Variants in UBR4 observed in about 807,000 individuals in gnomAD.
The protein encoded by UBR4 is E3 ubiquitin-protein ligase UBR4.
Under a neutral mutation model 575.6 loss-of-function variants are expected in UBR4, and 124 were observed. The observed-to-expected ratio is 0.22, with a 90% CI of 0.19 to 0.25. UBR4 has a LOEUF of 0.25. Ranked by LOEUF, UBR4 falls within the 10% of genes least tolerant of loss-of-function variation. The pLI, the probability that UBR4 is intolerant of heterozygous loss-of-function variation, is 1.00. For missense variants in UBR4, 4,818 were observed against 6,478.8 expected, an observed-to-expected ratio of 0.74 and a Z score of 8.80; for synonymous variants, 2,455 against 2,473.7, an observed-to-expected ratio of 0.99 and a Z score of 0.22.
chr1:19,118,749 C>A, intron 71 of UBR4, 123 bp downstream of exon 71: 4 of 921,240 alleles, frequency 4.3e-6, no homozygotes, highest in Non-Finnish European at 5.1e-6. Context: ...GGAATCTCAA[C>A]TAGGCAGATT....
Position 19,199,173 on chromosome 1 carries a change from C to T in UBR4, c.379-245G>A, listed in dbSNP as rs75398908. 7.8e-3 allele frequency among the ~76,000 whole-genome samples: 1,184 copies of T among 152,288 alleles called. 25 individuals are homozygous for T. The highest frequency in any genetic ancestry group is 0.027 in the African/African-American group (1,141 of 41,544). On this transcript the variant is annotated intron_variant, in intron 3 of 105. Coordinates refer to ENST00000375254, the MANE Select transcript of UBR4 (RefSeq NM_020765.3). Reference sequence around the variant, plus strand: ...TTCACATGCAAATCTGAAATTCTCACGCTCAAATAATTCACAGTATAGCAA... The same window carrying T: ...TTCACATGCAAATCTGAAATTCTCATGCTCAAATAATTCACAGTATAGCAA...
chr1:19,181,224 T>TGGAA (rs1018934334), intron 17 of UBR4, among the ~76,000 whole-genome samples: 9 of 151,160 alleles, frequency 6.0e-5, no homozygotes, highest in African/African-American at 1.2e-4. Flanking sequence ...GACGGACGGA[T>TGGAA]GGAAGGAAGG....
intron 20 of UBR4, among the ~76,000 whole-genome samples, chr1:19,175,383 T>C (rs2090128772): frequency 6.6e-6 from 1 of 150,606 alleles, no homozygotes; most frequent in Non-Finnish European, 1.5e-5. Context: ...ATCAACAAAT[T>C]ATATCATTAG....
At chr1:19,113,571 T>A (rs2080151881) in intron 77 of UBR4, 128 bp downstream of exon 77, 2 of 1,431,306 alleles carry the variant, frequency 1.4e-6, no homozygotes, top group East Asian at 4.6e-5. Context: ...GCCTGCCTTT[T>A]CAGCTAGATT....
chr1:19,177,339 T>A, intron 19 of UBR4, 122 bp downstream of exon 19: 1 of 1,247,836 alleles, frequency 8.0e-7, no homozygotes, highest in South Asian at 1.4e-5. Flanking sequence ...ATCCTACCCA[T>A]CAACCTACCA....
chr1:19,156,141 TG>T, intron 42 of UBR4, 129 bp downstream of exon 42: 1 of 1,260,198 alleles, frequency 7.9e-7, no homozygotes, highest in Non-Finnish European at 1.1e-6. Flanking sequence ...TCCAAGTAGC[TG>T]GTACTACAGG....
At position 19,081,557 on chromosome 1, in the gene UBR4, G is replaced by C; in HGVS notation, c.15025C>G (p.Arg5009Gly). Residue 5009 changes from arginine to glycine, a missense_variant, in exon 103 of 106, where the codon CGA becomes GGA. Coordinates refer to ENST00000375254, the MANE Select transcript of UBR4 (RefSeq NM_020765.3). The part of the protein sequence containing the change: ...YVLNTTRATS[R>G]EEKNLQGFLE... ...AAGCCTTGGAGGTTCTTCTCTTCTCGGGAAGTTGCTCGGGTTCTAGAAGAA... is the reference window on the plus strand; with the variant it reads ...AAGCCTTGGAGGTTCTTCTCTTCTCCGGAAGTTGCTCGGGTTCTAGAAGAA... The C allele has an allele frequency of 6.2e-7, 1 of 1,613,984 alleles. No homozygotes were observed. Among genetic ancestry groups the C allele is most frequent in the Non-Finnish European group, 8.5e-7 (1 of 1,180,010 alleles).
rs1003430962 is a variant in UBR4 at position 19,124,574 on chromosome 1, G to T, written c.9555C>A (p.Val3185=). Residue 3185 remains valine (V), a synonymous_variant, in exon 65 of 106, where the codon GTC becomes GTA. Coordinates refer to ENST00000375254, the MANE Select transcript of UBR4 (RefSeq NM_020765.3). The stretch of plus-strand genomic sequence containing the variant: ...GAAAGTAAAACCACGAGTGGTCAAA[G>T]ACAGGAGGTGGGATTCGAGAATTGG... ...TDTNSRIPPP[V]FDHSWFYFLS... is the part of the protein sequence containing the mutation. 3.1e-6 allele frequency: 5 copies of T among 1,614,112 alleles called. No homozygotes were observed. In the Admixed American group the frequency reaches 5.0e-5, roughly 16 times the overall value.
At position 19,173,200 on chromosome 1, in the gene UBR4, TCTA is replaced by T. The variant is rs1557899814; in HGVS notation, c.3269_3271del (p.Val1090del). 6.2e-7 allele frequency: 1 copy of T among 1,614,244 alleles called. No homozygotes were observed. Among genetic ancestry groups the T allele is most frequent in the Admixed American group, 1.7e-5 (1 of 60,032 alleles). On this transcript the variant is annotated inframe_deletion, in exon 24 of 106. Transcript: ENST00000375254. ...ACATACCTGTCGAGCGAAGTATTCC[TCTA>T]CTATTTCAACATCATATTTCACTGA...
chr1:19,168,556 C>T (rs144419551), intron 27 of UBR4, among the ~76,000 whole-genome samples: 69 of 152,022 alleles, frequency 4.5e-4, no homozygotes, highest in African/African-American at 1.4e-3. Flanking sequence ...ACAGAGGTCA[C>T]GATCATAAAG....
Position 19,159,942 on chromosome 1 carries a change from C to A in UBR4, c.5577+169G>T, listed in dbSNP as rs530057110. Among the ~76,000 whole-genome samples, 20 of 152,188 alleles carry A rather than the reference C, an allele frequency of 1.3e-4. No individual in the cohort carries two copies. In the South Asian group the frequency reaches 3.5e-3, roughly 27 times the overall value. On this transcript the variant is annotated intron_variant, in intron 39 of 105. Coordinates refer to ENST00000375254, the MANE Select transcript of UBR4 (RefSeq NM_020765.3). ...CAAACCTCGTATGCTGATTTTCACA[C>A]TGTTCATAATATGTTCTGGGCATGT...
At chr1:19,148,528 A>G (rs1174235547) in intron 50 of UBR4, 35 bp downstream of exon 50, 2 of 1,613,888 alleles carry the variant, frequency 1.2e-6, no homozygotes, top group South Asian at 1.1e-5. Flanking sequence ...CTGCCTCTTC[A>G]GAAAGCTTCC....
chr1:19,136,957 C>A (rs1042130331), intron 60 of UBR4, among the ~76,000 whole-genome samples: 1 of 151,798 alleles, frequency 6.6e-6, no homozygotes, highest in Non-Finnish European at 1.5e-5. Context: ...GTCTCTGATG[C>A]CTGACTGCAT....
chr1:19,101,682 C>T, intron 87 of UBR4, 41 bp from the exon 88 acceptor site: 5 of 1,571,896 alleles, frequency 3.2e-6, no homozygotes, highest in Non-Finnish European at 4.4e-6. Flanking sequence ...AAGAGCCTCT[C>T]CCATGGAAGG....
At chr1:19,144,187 A>AAGTGGAATACCTCT in intron 54 of UBR4, 96 bp from the exon 55 acceptor site, 2 of 1,101,844 alleles carry the variant, frequency 1.8e-6, no homozygotes, top group Non-Finnish European at 2.7e-6. Flanking sequence ...ACTCACATGC[A>AAGTGGAATACCTCT]AGTGGAATAC....
rs2091294461 is a variant in UBR4 at position 19,184,142 on chromosome 1, T to A, written c.1972A>T (p.Ile658Phe). The A allele has an allele frequency of 1.2e-6, 2 of 1,614,110 alleles. No homozygotes were observed. Among genetic ancestry groups the A allele is most frequent in the Non-Finnish European group, 1.7e-6 (2 of 1,180,006 alleles). Reference sequence around the variant, plus strand: ...CGAGAGTTCAGCATGGAAGAGGTGATGAAGTTCAAAATGTTGGAAGCCAGA... The same window carrying A: ...CGAGAGTTCAGCATGGAAGAGGTGAAGAAGTTCAAAATGTTGGAAGCCAGA... ...LGLASNILNFITSSMLNSRNN... is the reference protein window; with the variant it reads ...LGLASNILNFFTSSMLNSRNN... The change falls in exon 16 of 106, where the codon ATC becomes TTC. Residue 658 changes from isoleucine (I) to phenylalanine (F), a missense_variant. By Grantham distance (21) the Ile-to-Phe change is conservative (BLOSUM62 0). This residue lies in a region of UBR4 where 1,172 missense variants were observed against 1,259.7 expected (regional missense o/e 0.93). Transcript: ENST00000375254.
At chr1:19,090,457 G>A (rs565792186) in intron 97 of UBR4, among the ~76,000 whole-genome samples, 67 of 152,152 alleles carry the variant, frequency 4.4e-4, no homozygotes, top group African/African-American at 1.5e-3. Context: ...GCCATGCCTC[G>A]CCTCCGACTG....
At chr1:19,161,197 G>C in intron 37 of UBR4, 50 bp from the exon 38 acceptor site, 1 of 1,545,710 alleles carries the variant, frequency 6.5e-7, no homozygotes, top group Non-Finnish European at 8.9e-7. Flanking sequence ...CAAGCACAGA[G>C]GAAATACTGC....
In UBR4 at chr1:19,139,608, A is replaced by T. The variant is rs1570986926; in HGVS notation, c.8594-388T>A. 6.6e-6 allele frequency among the ~76,000 whole-genome samples: 1 copy of T among 152,216 alleles called. No individual in the cohort carries two copies. Among genetic ancestry groups the T allele is most frequent in the Admixed American group, 6.5e-5 (1 of 15,284 alleles). ...TCACCATTGTTTAGGTGTTACTGACACCTGCTGAGAGATCTGAAACTAGCC... is the reference window on the plus strand; with the variant it reads ...TCACCATTGTTTAGGTGTTACTGACTCCTGCTGAGAGATCTGAAACTAGCC... On this transcript the variant is annotated intron_variant, in intron 58 of 105. Transcript: ENST00000375254. The surrounding 1 kb of genome is among the most constrained non-coding windows in gnomAD (Gnocchi z 4.2).
Sources: allele counts gnomAD v4.1 joint callset (sites outside exome capture counted in the v4.1 genomes callset), GRCh38; gene constraint gnomAD v4.1.1; regional missense constraint gnomAD v4.1.1; non-coding constraint Gnocchi (gnomAD v3.1); transcripts MANE v1.5; gene names NCBI Gene and HGNC (gene_info 2026-07-23, HGNC 2026-07-21).